NARS1: variants seen among roughly 807,000 people sequenced by gnomAD.
NARS1 encodes the protein asparagine--tRNA ligase, cytoplasmic.
A neutral mutation model predicts 79.2 loss-of-function variants in NARS1; 65 were observed. The ratio of observed to expected loss-of-function variants is 0.82; its 90% CI spans 0.67 to 1.01. The LOEUF (loss-of-function observed/expected upper bound fraction) is 1.01. NARS1 is among the 50% of genes least tolerant of loss of function. NARS1 has a pLI of 0.00. For missense variants in NARS1, 649 were observed against 673.8 expected (o/e 0.96, Z 0.41); for synonymous variants, 229 against 238.8 (o/e 0.96, Z 0.38).
intron 9 of NARS1, 123 bp downstream of exon 9, chr18:57,607,011 T>C: frequency 9.0e-7 from 1 of 1,108,278 alleles, no homozygotes; most frequent in Non-Finnish European, 1.3e-6. Context: ...TATATGTTCT[T>C]CCATTAACCA....
intron 2 of NARS1, among the ~76,000 whole-genome samples, chr18:57,617,746 CT>C (rs34467859): frequency 0.28 from 42,398 of 149,834 alleles, 6,554 homozygotes; most frequent in Non-Finnish European, 0.36. Context: ...GAAACCCTGT[CT>C]CTACTAAAAA....
At chr18:57,619,189 G>A (rs1908187521) in intron 2 of NARS1, among the ~76,000 whole-genome samples, 1 of 147,202 alleles carries the variant, frequency 6.8e-6, no homozygotes, top group Non-Finnish European at 1.5e-5. Flanking sequence ...CAACCTCCTG[G>A]GCTCAAGTAA....
chr18:57,601,919 C>T, intron 13 of NARS1, 136 bp from the exon 14 acceptor site: 2 of 831,576 alleles, frequency 2.4e-6, no homozygotes, highest in East Asian at 2.5e-5. Context: ...GATTCAGTGG[C>T]TCGTGCCTGT....
rs769997080 is a variant in NARS1 at position 57,615,678 on chromosome 18, G to A, written c.305C>T (p.Thr102Ile). ...TGGGAGACTTGGATCATTTTTAATG[G>A]TAATCTTCTTTGCTTCTTCCAGGTT... is the stretch of plus-strand genomic sequence containing the variant. ...EKNLEEAKKI[T>I]IKNDPSLPEP... is the part of the protein sequence containing the mutation. The change falls in exon 4 of 14, where the codon ACC (threonine) becomes ATC (isoleucine). Residue 102 changes from threonine (T) to isoleucine (I), a missense_variant. By Grantham distance (89) the Thr-to-Ile change is moderately conservative. Transcript: ENST00000256854. 1.2e-6 allele frequency: 2 copies of A among 1,612,828 alleles called. No homozygotes were observed. The highest frequency in any genetic ancestry group is 2.7e-5 in the African/African-American group (2 of 74,850).
Position 57,615,001 on chromosome 18 carries a change from T to G in NARS1, c.342+640A>C, listed in dbSNP as rs761029072. ...AACCAGCCCGGGCAATATGGGAGAC[T>G]GTTTCTACAAAAATTAAAAATAAAT... On this transcript the variant is annotated intron_variant, in intron 4 of 13. Coordinates refer to ENST00000256854, the MANE Select transcript of NARS1 (RefSeq NM_004539.4). Among the ~76,000 whole-genome samples the G allele has an allele frequency of 9.4e-4, 142 of 150,702 alleles. 1 individual carries two copies. Among genetic ancestry groups the G allele is most frequent in the Non-Finnish European group, 1.8e-4 (12 of 67,796 alleles).
rs774501643 is a variant in NARS1 at position 57,606,641 on chromosome 18, C to A, written c.1112G>T (p.Gly371Val). The change falls in exon 10 of 14, where the codon GGG becomes GTG. Residue 371 changes from glycine (G) to valine (V), a missense_variant. Physicochemically the swap from Gly to Val is moderately radical, Grantham distance 109 (BLOSUM62 -3). Transcript: ENST00000256854. ...CGGGTTGAGCTCATGCACTATGCTC[C>A]CTGCAGGTGACTTCAATATTCGATC... ...VVDRILKSPA[G>V]SIVHELNPNF... The A allele has an allele frequency of 6.2e-6, 10 of 1,613,994 alleles. No homozygotes were observed. The highest frequency in any genetic ancestry group is 7.6e-6 in the Non-Finnish European group (9 of 1,179,954).
At chr18:57,603,938 TGTGTGGA>T (rs1568162416) in intron 11 of NARS1, among the ~76,000 whole-genome samples, 1 of 152,246 alleles carries the variant, frequency 6.6e-6, no homozygotes, top group Non-Finnish European at 1.5e-5. Flanking sequence ...TGTCCTCATG[TGTGTGGA>T]ACAGTAGCAA....
At chr18:57,603,093 GAAT>G (rs776393189) in intron 11 of NARS1, 150 bp from the exon 12 acceptor site, 5 of 595,812 alleles carry the variant, frequency 8.4e-6, no homozygotes, top group Non-Finnish European at 1.4e-5. Context: ...TTTGTGTAAA[GAAT>G]AATTTCTTTC....
chr18:57,607,410 T>G (rs1480012015), intron 8 of NARS1, 34 bp downstream of exon 8: 1 of 1,611,598 alleles, frequency 6.2e-7, no homozygotes, highest in South Asian at 1.1e-5. Flanking sequence ...GCAAAAAACA[T>G]ATTCTTTGCA....
intron 11 of NARS1, among the ~76,000 whole-genome samples, chr18:57,603,798 T>C (rs2122420922): frequency 7.4e-6 from 1 of 134,870 alleles, no homozygotes; most frequent in East Asian, 1.9e-4. Flanking sequence ...TAACAGGAGA[T>C]GAGTGGGAGA....
At chr18:57,614,600 G>A (rs1037328341) in intron 4 of NARS1, among the ~76,000 whole-genome samples, 2 of 152,178 alleles carry the variant, frequency 1.3e-5, no homozygotes, top group African/African-American at 2.4e-5. Flanking sequence ...AAGAACAGAA[G>A]AAGAGTGAAT....
At chr18:57,609,549 C>T (rs1384563501) in intron 6 of NARS1, 106 bp from the exon 7 acceptor site, 1 of 801,844 alleles carries the variant, frequency 1.2e-6, no homozygotes, top group African/African-American at 1.7e-5. Context: ...TGATCAAATA[C>T]TAGTAAAATA....
chr18:57,610,892 A>G (rs1401511910), intron 6 of NARS1, among the ~76,000 whole-genome samples: 2 of 152,214 alleles, frequency 1.3e-5, no homozygotes, highest in South Asian at 4.1e-4. Context: ...GATAACAAGA[A>G]TCTGGATATT....
chr18:57,601,244 C>CA lies in NARS1; in HGVS notation c.*407dup, dbSNP rs1476586418. 6.5e-6 allele frequency: 1 copy of CA among 153,788 alleles called. No individual in the cohort carries two copies. Among genetic ancestry groups the CA allele is most frequent in the East Asian group, 1.9e-4 (1 of 5,272 alleles). 9.5% of individuals were successfully genotyped at this position (153,788 alleles called of 1,614,324 possible). A position where few individuals can be genotyped will look rare whatever the true frequency, so the allele number is the denominator to read the frequency against. ...AATTCATTGATGCAATAAAATAAAT[C>CA]AAAGAATTCAAGGTACACTTAAAAG... On this transcript the variant is annotated 3_prime_UTR_variant, in exon 14 of 14. Transcript: ENST00000256854.
chr18:57,602,517 T>C (rs2122418161), intron 12 of NARS1, 31 bp from the exon 13 acceptor site: 3 of 1,612,100 alleles, frequency 1.9e-6, no homozygotes, highest in East Asian at 2.2e-5. Context: ...AGATACACAA[T>C]TACTATCAAG....
chr18:57,616,588 C>A (rs1424448537), intron 2 of NARS1, among the ~76,000 whole-genome samples: 1 of 152,092 alleles, frequency 6.6e-6, no homozygotes, highest in East Asian at 1.9e-4. Flanking sequence ...GGTACAAGGA[C>A]AACAGAAGAG....
Position 57,602,883 on chromosome 18 carries a change from A to G in NARS1, c.1312T>C (p.Cys438Arg). The change falls in exon 12 of 14, where the codon TGT becomes CGT. Residue 438 changes from cysteine (C) to arginine (R), a missense_variant. Coordinates refer to ENST00000256854, the MANE Select transcript of NARS1 (RefSeq NM_004539.4). ...GACTTGATCTCCACAGGAAATCGAC[A>G]CAGCAAGATTGGTTCATTAATGGTG... ...TDTINEPILL[C>R]RFPVEIKSFY... 6.2e-7 allele frequency: 1 copy of G among 1,614,104 alleles called. No individual in the cohort carries two copies. The highest frequency in any genetic ancestry group is 8.5e-7 in the Non-Finnish European group (1 of 1,179,944).
At chr18:57,606,856 T>C (rs1394173457) in intron 9 of NARS1, 105 bp from the exon 10 acceptor site, 4 of 1,469,946 alleles carry the variant, frequency 2.7e-6, no homozygotes, top group African/African-American at 2.8e-5. Flanking sequence ...CCAACAATGC[T>C]ACCAATTCCC....
intron 5 of NARS1, 91 bp downstream of exon 5, chr18:57,613,510 GA>G (rs2051622392): frequency 6.0e-6 from 7 of 1,174,318 alleles, no homozygotes; most frequent in East Asian, 2.4e-5. Flanking sequence ...AAGGGGGAGA[GA>G]AAAAAACCCC....
Sources: gnomAD v4.1 joint callset for allele counts (sites outside exome capture counted in the v4.1 genomes callset) on GRCh38, gnomAD v4.1.1 for gene constraint, MANE v1.5 for transcripts, NCBI Gene and HGNC (gene_info 2026-07-23, HGNC 2026-07-21) for gene names.